The following CORIN variants were observed in gnomAD, a reference collection of about 807,000 sequenced individuals.
The protein encoded by CORIN is corin, serine peptidase.
A neutral mutation model predicts 125.3 loss-of-function variants in CORIN; 117 were observed. The ratio of observed to expected loss-of-function variants is 0.93; its 90% CI spans 0.80 to 1.09. The LOEUF (loss-of-function observed/expected upper bound fraction) is 1.09. CORIN is among the 50% of genes least tolerant of loss of function. The pLI is 0.00. For synonymous variants in CORIN, 450 were observed against 466.4 expected, an observed-to-expected ratio of 0.96 and a Z score of 0.45; for missense variants, 1,253 against 1,306.7, an observed-to-expected ratio of 0.96 and a Z score of 0.63.
chr4:47,715,708 T>C (rs1577856440), intron 5 of CORIN, among the ~76,000 whole-genome samples: 2 of 152,314 alleles, frequency 1.3e-5, no homozygotes, highest in African/African-American at 4.8e-5. Flanking sequence ...CCTGATAACA[T>C]TGGTCCCATG....
chr4:47,739,853 G>T (rs937545903), intron 5 of CORIN, among the ~76,000 whole-genome samples: 1 of 151,338 alleles, frequency 6.6e-6, no homozygotes, highest in South Asian at 2.1e-4. Flanking sequence ...TTGAAATTCG[G>T]TTAGGATTCA....
chr4:47,767,923 C>T (rs573001454), intron 3 of CORIN, among the ~76,000 whole-genome samples: 2 of 152,292 alleles, frequency 1.3e-5, no homozygotes, highest in Admixed American at 6.5e-5. Context: ...GGATATTGAA[C>T]CTGTCAGGCC....
chr4:47,642,100 T>A, intron 15 of CORIN, 51 bp from the exon 16 acceptor site: 1 of 1,583,786 alleles, frequency 6.3e-7, no homozygotes, highest in Non-Finnish European at 8.6e-7. Context: ...TTTCTTCCCA[T>A]GAAAGCACAT....
At chr4:47,672,572 A>T (rs183617902) in intron 10 of CORIN, among the ~76,000 whole-genome samples, 1 of 152,296 alleles carries the variant, frequency 6.6e-6, no homozygotes, top group East Asian at 1.9e-4. Flanking sequence ...GCAGATTGAG[A>T]GACGAGTAAA....
At chr4:47,805,938 A>G (rs187755593) in intron 2 of CORIN, among the ~76,000 whole-genome samples, 4 of 152,326 alleles carry the variant, frequency 2.6e-5, no homozygotes, top group Admixed American at 2.6e-4. Flanking sequence ...ATCCTGATTC[A>G]TATCATTAGG....
At chr4:47,604,829 T>C (rs1170385274) in intron 19 of CORIN, among the ~76,000 whole-genome samples, 1 of 152,214 alleles carries the variant, frequency 6.6e-6, no homozygotes, top group Non-Finnish European at 1.5e-5. Flanking sequence ...ATATTGACTA[T>C]ATCCTCTATA....
intron 2 of CORIN, among the ~76,000 whole-genome samples, chr4:47,805,565 T>C (rs1447152718): frequency 6.6e-6 from 1 of 152,226 alleles, no homozygotes; most frequent in Non-Finnish European, 1.5e-5. Flanking sequence ...CAGTACTCTG[T>C]AGTGTATCCA....
chr4:47,757,900 A>ATGTATATATATATATATATATATG (rs1229662238), intron 4 of CORIN, among the ~76,000 whole-genome samples: 2 of 144,240 alleles, frequency 1.4e-5, no homozygotes, highest in East Asian at 4.0e-4. Context: ...ATATATATAT[A>ATGTATATATATATATATATATATG]TATATACACA....
In CORIN at chr4:47,600,437, A is replaced by G. The variant is rs558767496; in HGVS notation, c.2813-90T>C. On this transcript the variant is annotated intron_variant, in intron 20 of 21. Transcript: ENST00000273857. ...GGCTAGCCAAATATGAAATGCAAAT[A>G]TAATATAAATATTTTTATACCAAGA... 1.1e-4 allele frequency: 88 copies of G among 767,500 alleles called. No individual in the cohort carries two copies. The African/African-American group carries it at 1.4e-3, about 13-fold the overall frequency. The allele number at this position is 767,500 out of a possible 1,614,324, so 47.5% of individuals were successfully genotyped here.
rs181139311 is a variant in CORIN at position 47,803,158 on chromosome 4, G to A, written c.208+3745C>T. On this transcript the variant is annotated intron_variant, in intron 2 of 21. Coordinates refer to ENST00000273857, the MANE Select transcript of CORIN (RefSeq NM_006587.4). ...TTTAAATTAATGTAACTGAAGTAGTGAAAGATCTTTATAATGAAAACTAAA... is the reference window on the plus strand; with the variant it reads ...TTTAAATTAATGTAACTGAAGTAGTAAAAGATCTTTATAATGAAAACTAAA... Among the ~76,000 whole-genome samples, 20 of 152,136 alleles carry A rather than the reference G, an allele frequency of 1.3e-4. No individual in the cohort carries two copies. The East Asian group carries it at 3.9e-3, about 29-fold the overall frequency.
chr4:47,685,881 G>A (rs1475046569), intron 6 of CORIN, among the ~76,000 whole-genome samples: 4 of 151,028 alleles, frequency 2.6e-5, no homozygotes, highest in African/African-American at 9.8e-5. Flanking sequence ...CAAGAACAAA[G>A]GAAAGAGGCA....
At chr4:47,764,680 G>A (rs947779240) in intron 3 of CORIN, among the ~76,000 whole-genome samples, 7 of 152,130 alleles carry the variant, frequency 4.6e-5, no homozygotes, top group Admixed American at 1.3e-4. Flanking sequence ...TATGTCTTCT[G>A]AGTAATTTCC....
At chr4:47,640,489 G>A (rs1454285898) in intron 16 of CORIN, among the ~76,000 whole-genome samples, 1 of 152,216 alleles carries the variant, frequency 6.6e-6, no homozygotes. Flanking sequence ...GTGGGTACGA[G>A]AAAATGGAGA....
chr4:47,674,916 T>G (rs2109698616), intron 9 of CORIN, among the ~76,000 whole-genome samples: 1 of 152,322 alleles, frequency 6.6e-6, no homozygotes, highest in Admixed American at 6.5e-5. Flanking sequence ...CTCCCAATTC[T>G]AGTCTCCCTC....
chr4:47,745,573 T>G (rs1444326267), intron 4 of CORIN, among the ~76,000 whole-genome samples: 1 of 152,220 alleles, frequency 6.6e-6, no homozygotes, highest in Admixed American at 6.5e-5. Flanking sequence ...AGGACAGACT[T>G]GAGGTCAAAT....
Position 47,786,832 on chromosome 4 carries a change from G to C in CORIN, c.302C>G (p.Thr101Arg). Residue 101 changes from threonine to arginine, a missense_variant, in exon 3 of 22, where the codon ACA becomes AGA. Physicochemically the swap from Thr to Arg is moderately conservative, Grantham distance 71 (BLOSUM62 -1). Coordinates refer to ENST00000273857, the MANE Select transcript of CORIN (RefSeq NM_006587.4). ...IQGSDVILTNTIYNQSTVVST... is the reference protein window; with the variant it reads ...IQGSDVILTNRIYNQSTVVST... ...CACCACAGTGCTCTGGTTATAAATT[G>C]TATTTGTAAGAATAACATCGGACCC... is the stretch of plus-strand genomic sequence containing the variant. The C allele has an allele frequency of 6.2e-7, 1 of 1,613,472 alleles. No homozygotes were observed.
chr4:47,746,607 T>C (rs563971012), intron 4 of CORIN, among the ~76,000 whole-genome samples: 1 of 151,988 alleles, frequency 6.6e-6, no homozygotes, highest in African/African-American at 2.4e-5. Flanking sequence ...CGCCATAGGC[T>C]CACTGCAGGC....
intron 5 of CORIN, among the ~76,000 whole-genome samples, chr4:47,698,660 G>A (rs1420396438): frequency 6.6e-5 from 10 of 152,068 alleles, no homozygotes; most frequent in African/African-American, 2.2e-4. Context: ...AGACTCTAGG[G>A]GGACAAGGGA....
intron 3 of CORIN, among the ~76,000 whole-genome samples, chr4:47,775,538 G>T (rs1167754815): frequency 6.6e-6 from 1 of 152,094 alleles, no homozygotes; most frequent in African/African-American, 2.4e-5. Flanking sequence ...TCCCTACAAA[G>T]TCATGAACTC....
Sources: gnomAD v4.1 joint callset for allele counts (sites outside exome capture counted in the v4.1 genomes callset) on GRCh38, gnomAD v4.1.1 for gene constraint, MANE v1.5 for transcripts, NCBI Gene and HGNC (gene_info 2026-07-23, HGNC 2026-07-21) for gene names.